Variants in PCDH11X observed in about 807,000 individuals in gnomAD.
PCDH11X encodes protocadherin 11 X-linked, also known as protocadherin-11 X-linked.
A neutral mutation model predicts 53.3 loss-of-function variants in PCDH11X; 18 were observed. That is an observed-to-expected ratio of 0.34 (90% CI 0.23 to 0.50). The LOEUF (loss-of-function observed/expected upper bound fraction) is 0.50, where lower values mean the gene tolerates loss of function less well. Ranked by LOEUF, PCDH11X falls within the 20% of genes least tolerant of loss-of-function variation. PCDH11X has a pLI of 0.98. For synonymous variants in PCDH11X, 279 were observed against 393.3 expected (o/e 0.71, Z 3.44); for missense variants, 570 against 1,032.4 (o/e 0.55, Z 6.14).
At chrX:92,270,790 G>C (rs367990346) in intron 8 of PCDH11X, among the ~76,000 whole-genome samples, 1 of 112,094 alleles carries the variant, frequency 8.9e-6, no homozygotes, top group East Asian at 2.8e-4. Context: ...TATCTATGGA[G>C]CTATTTAACC....
In PCDH11X at chrX:91,955,540, A is replaced by G. The variant is rs1441112994; in HGVS notation, c.3033+76267A>G. On this transcript the variant is annotated intron_variant, in intron 6 of 10. Coordinates refer to ENST00000682573, the MANE Select transcript of PCDH11X (RefSeq NM_032968.5). ...TTCATTATTTACCCACAAGACATTCAGGAGCAGGCTGTTCAATTTCCATGT... is the reference window on the plus strand; with the variant it reads ...TTCATTATTTACCCACAAGACATTCGGGAGCAGGCTGTTCAATTTCCATGT... Among the ~76,000 whole-genome samples the G allele has an allele frequency of 4.5e-5, 5 of 110,620 alleles. No individual in the cohort carries two copies. In the Admixed American group the frequency reaches 4.8e-4, roughly 11 times the overall value.
At chrX:92,242,268 A>T (rs1174434545) in intron 7 of PCDH11X, among the ~76,000 whole-genome samples, 1 of 111,239 alleles carries the variant, frequency 9.0e-6, no homozygotes, top group African/African-American at 3.3e-5. Flanking sequence ...CATGTAAGCC[A>T]GGCATGTTGG....
In PCDH11X at chrX:91,878,057, C is replaced by A; in HGVS notation, c.1817C>A (p.Thr606Lys). Residue 606 changes from threonine (T) to lysine (K), a missense_variant, in exon 6 of 11, where the codon ACG (threonine) becomes AAG (lysine). Thr to Lys is a moderately conservative substitution (Grantham distance 78). Around this residue, in one of 6 missense-constraint regions of PCDH11X, gnomAD observed 226 missense variants for 457.5 expected, o/e 0.49. Transcript: ENST00000682573. ...DPDYGDNSAV[T>K]LSILDENDDF... ...GATTATGGAGACAATTCTGCAGTTA[C>A]GCTCTCCATTTTAGATGAGAATGAT... is the stretch of plus-strand genomic sequence containing the variant. 1 of 1,208,074 alleles carries A rather than the reference C, an allele frequency of 8.3e-7. No homozygotes were observed. The highest frequency in any genetic ancestry group is 1.1e-6 in the Non-Finnish European group (1 of 893,597).
intron 5 of PCDH11X, among the ~76,000 whole-genome samples, chrX:91,844,907 A>T (rs1476032005): frequency 9.1e-6 from 1 of 109,976 alleles, no homozygotes; most frequent in African/African-American, 3.3e-5. Context: ...ATAACAAAGT[A>T]AATGGTTAAC....
intron 6 of PCDH11X, among the ~76,000 whole-genome samples, chrX:92,098,141 C>T (rs1220585925): frequency 3.6e-5 from 4 of 110,387 alleles, no homozygotes; most frequent in Non-Finnish European, 7.6e-5. Context: ...AGGTAGCAGA[C>T]GATATCTTAT....
At chrX:92,180,652 G>T (rs2065981135) in intron 6 of PCDH11X, among the ~76,000 whole-genome samples, 1 of 111,459 alleles carries the variant, frequency 9.0e-6, no homozygotes, top group Non-Finnish European at 1.9e-5. Context: ...CTTGGTGGAA[G>T]ATAGAATCAT....
intron 6 of PCDH11X, among the ~76,000 whole-genome samples, chrX:92,065,033 C>T (rs922438613): frequency 1.9e-5 from 2 of 103,687 alleles, no homozygotes; most frequent in Non-Finnish European, 3.8e-5. Context: ...TACAGGTGGT[C>T]TCTGGGAGGC....
At chrX:92,367,542 T>C (rs2070505191) in intron 8 of PCDH11X, among the ~76,000 whole-genome samples, 1 of 111,320 alleles carries the variant, frequency 9.0e-6, no homozygotes, top group Non-Finnish European at 1.9e-5. Flanking sequence ...GTCATTATGA[T>C]CCTGGCAGGT....
intron 6 of PCDH11X, among the ~76,000 whole-genome samples, chrX:92,071,599 C>T (rs1488075190): frequency 4.5e-5 from 5 of 110,221 alleles, no homozygotes; most frequent in African/African-American, 1.7e-4. Flanking sequence ...TTTCCCTATC[C>T]TTATAGGGAA....
At chrX:91,782,076 G>T (rs1569375971) in intron 1 of PCDH11X, among the ~76,000 whole-genome samples, 2 of 109,913 alleles carry the variant, frequency 1.8e-5, no homozygotes, top group Non-Finnish European at 3.8e-5. Flanking sequence ...GAAGCCGAGC[G>T]GCGAGTCCGA....
chrX:92,192,509 A>AT lies in PCDH11X; in HGVS notation c.3034-8855dup, dbSNP rs1293053089. 2.6e-3 allele frequency among the ~76,000 whole-genome samples: 269 copies of AT among 102,834 alleles called. 1 individual carries two copies. Among genetic ancestry groups the AT allele is most frequent in the African/African-American group, 7.4e-3 (209 of 28,147 alleles). The allele number at this position is 102,834 out of a possible 115,157, so 89.3% of individuals were successfully genotyped here. On this transcript the variant is annotated intron_variant, in intron 6 of 10. Coordinates refer to ENST00000682573, the MANE Select transcript of PCDH11X (RefSeq NM_032968.5). Reference sequence around the variant, plus strand: ...AGGCGTGCGCCAACACGCCCAGCTAATTTTTTTTTTTGTATTTTTAGTAGA... The same window carrying AT: ...AGGCGTGCGCCAACACGCCCAGCTAATTTTTTTTTTTTGTATTTTTAGTAGA...
At chrX:91,790,564 C>T (rs192817678) in intron 1 of PCDH11X, among the ~76,000 whole-genome samples, 116 of 112,092 alleles carry the variant, frequency 1.0e-3, no homozygotes, top group Non-Finnish European at 1.7e-3. Context: ...AGAACAACAA[C>T]AGCAACAACG....
chrX:92,217,929 T>A (rs2066758041), intron 7 of PCDH11X, among the ~76,000 whole-genome samples: 1 of 109,008 alleles, frequency 9.2e-6, no homozygotes, highest in East Asian at 2.9e-4. Flanking sequence ...ACATGGAAAC[T>A]GAACAACCTG....
intron 6 of PCDH11X, among the ~76,000 whole-genome samples, chrX:91,942,566 A>T (rs189715807): frequency 9.0e-6 from 1 of 110,861 alleles, no homozygotes; most frequent in African/African-American, 3.3e-5. Flanking sequence ...TTCCTTGTTT[A>T]AAACCTTCCC....
At chrX:92,463,967 G>A (rs981754258) in intron 9 of PCDH11X, among the ~76,000 whole-genome samples, 1 of 111,572 alleles carries the variant, frequency 9.0e-6, no homozygotes, top group African/African-American at 3.3e-5. Context: ...GTAGAAAATG[G>A]TAATTGCATA....
chrX:92,091,224 T>C (rs2064042984), intron 6 of PCDH11X, among the ~76,000 whole-genome samples: 1 of 111,238 alleles, frequency 9.0e-6, no homozygotes, highest in African/African-American at 3.3e-5. Context: ...CAGAGTTATG[T>C]ATCCAACTAT....
intron 6 of PCDH11X, among the ~76,000 whole-genome samples, chrX:91,987,453 T>A (rs1026705089): frequency 1.8e-5 from 2 of 111,645 alleles, no homozygotes; most frequent in African/African-American, 3.2e-5. Context: ...TGTCTACTGC[T>A]TACCTTATGT....
At chrX:92,346,984 T>C (rs1204172561) in intron 8 of PCDH11X, among the ~76,000 whole-genome samples, 5 of 111,843 alleles carry the variant, frequency 4.5e-5, no homozygotes, top group Non-Finnish European at 7.5e-5. Context: ...CTAAGGTTTA[T>C]TAAATCACTT....
chrX:92,165,245 C>G (rs1280128370), intron 6 of PCDH11X, among the ~76,000 whole-genome samples: 3 of 111,664 alleles, frequency 2.7e-5, no homozygotes, highest in Non-Finnish European at 5.6e-5. Context: ...CTTATTGCAG[C>G]CTCAATGCTA....
Sources: gnomAD v4.1 joint callset for allele counts (sites outside exome capture counted in the v4.1 genomes callset) on GRCh38, gnomAD v4.1.1 for gene constraint, gnomAD v4.1.1 regional missense constraint, MANE v1.5 for transcripts, NCBI Gene and HGNC (gene_info 2026-07-23, HGNC 2026-07-21) for gene names.